KDM4C: variants seen among roughly 807,000 people sequenced by gnomAD.
KDM4C encodes the protein lysine demethylase 4C, also known as lysine-specific demethylase 4C.
KDM4C carries 81 observed loss-of-function variants against 129.3 expected under a neutral mutation model. The ratio of observed to expected loss-of-function variants is 0.63; its 90% CI spans 0.52 to 0.75. The LOEUF (loss-of-function observed/expected upper bound fraction) is 0.75, where lower values mean the gene tolerates loss of function less well. Among genes scored for constraint, KDM4C ranks in the 30% least tolerant of loss-of-function variants. The pLI is 0.00. For synonymous variants in KDM4C, 573 were observed against 456.1 expected, an observed-to-expected ratio of 1.26 and a Z score of -3.26; for missense variants, 1,457 against 1,304.0, an observed-to-expected ratio of 1.12 and a Z score of -1.81.
chr9:6,859,843 C>G (rs1340641771), intron 5 of KDM4C, among the ~76,000 whole-genome samples: 1 of 141,936 alleles, frequency 7.0e-6, no homozygotes, highest in East Asian at 2.0e-4. Context: ...CCAGCCTGGG[C>G]GACACAGCGA....
chr9:6,779,746 A>C (rs1227499581), intron 1 of KDM4C, among the ~76,000 whole-genome samples: 1 of 152,232 alleles, frequency 6.6e-6, no homozygotes, highest in Non-Finnish European at 1.5e-5. Context: ...TGGGTAATTG[A>C]ATCATGACTG....
At chr9:6,986,812 A>T in intron 11 of KDM4C, 146 bp downstream of exon 11, 2 of 599,932 alleles carry the variant, frequency 3.3e-6, no homozygotes, top group Non-Finnish European at 5.6e-6. Flanking sequence ...TCATTCAATA[A>T]CTGGGAGGTA....
intron 8 of KDM4C, among the ~76,000 whole-genome samples, chr9:6,971,387 C>A (rs997504770): frequency 1.3e-5 from 2 of 152,168 alleles, no homozygotes; most frequent in Admixed American, 6.6e-5. Flanking sequence ...AAATGTAGAT[C>A]ATTAAAACTG....
chr9:7,108,706 A>G (rs1361872399), intron 18 of KDM4C, among the ~76,000 whole-genome samples: 2 of 152,166 alleles, frequency 1.3e-5, no homozygotes, highest in African/African-American at 2.4e-5. Context: ...CTATGACTAT[A>G]TAACTAATCT....
At chr9:7,084,833 A>G (rs1380459673) in intron 17 of KDM4C, among the ~76,000 whole-genome samples, 1 of 152,222 alleles carries the variant, frequency 6.6e-6, no homozygotes, top group African/African-American at 2.4e-5. Context: ...AGTTCCTTAT[A>G]AAGATGAACA....
At chr9:7,004,096 G>A (rs548877744) in intron 12 of KDM4C, among the ~76,000 whole-genome samples, 1 of 152,316 alleles carries the variant, frequency 6.6e-6, no homozygotes, top group South Asian at 2.1e-4. Context: ...TGTGATGACT[G>A]GCAAAGGGAA....
intron 15 of KDM4C, among the ~76,000 whole-genome samples, chr9:7,040,785 C>CT (rs1012606584): frequency 3.1e-4 from 47 of 150,418 alleles, no homozygotes; most frequent in African/African-American, 9.5e-4. Flanking sequence ...CTAAATGTGG[C>CT]TTTTTTTTTC....
At chr9:7,002,646 C>G (rs1358285969) in intron 12 of KDM4C, among the ~76,000 whole-genome samples, 1 of 152,146 alleles carries the variant, frequency 6.6e-6, no homozygotes, top group African/African-American at 2.4e-5. Context: ...CTCATTCCTA[C>G]CATGATGTGA....
At chr9:6,738,932 T>G (rs185923204) in intron 1 of KDM4C, among the ~76,000 whole-genome samples, 144 of 152,172 alleles carry the variant, frequency 9.5e-4, no homozygotes, top group Non-Finnish European at 2.0e-3. Context: ...TTCCCCATGT[T>G]TGCCCTGGCT....
chr9:6,785,313 T>C (rs377148655), intron 1 of KDM4C, among the ~76,000 whole-genome samples: 1 of 151,714 alleles, frequency 6.6e-6, no homozygotes, highest in African/African-American at 2.4e-5. Context: ...TGGCACTCTT[T>C]CCTGTGTCTG....
chr9:6,857,012 C>T lies in KDM4C; in HGVS notation c.629+7312C>T, dbSNP rs149176648. Among the ~76,000 whole-genome samples, 722 of 152,254 alleles carry T rather than the reference C, an allele frequency of 4.7e-3. 6 individuals carry two copies. Among genetic ancestry groups the T allele is most frequent in the African/African-American group, 0.017 (700 of 41,540 alleles). ...GACCTCATGATCCATCCGCCTCGGC[C>T]TCCCATAATTTTTGTATTTTTGTAG... On this transcript the variant is annotated intron_variant, in intron 5 of 21. Coordinates refer to ENST00000381309, the MANE Select transcript of KDM4C (RefSeq NM_015061.6).
chr9:6,774,767 C>T (rs1272293629), intron 1 of KDM4C, among the ~76,000 whole-genome samples: 2 of 152,142 alleles, frequency 1.3e-5, no homozygotes, highest in African/African-American at 2.4e-5. Context: ...ATACTTGGGG[C>T]ATGCAAAAGA....
intron 8 of KDM4C, among the ~76,000 whole-genome samples, chr9:6,967,446 A>G (rs1172908712): frequency 2.0e-5 from 3 of 151,274 alleles, no homozygotes; most frequent in Admixed American, 6.6e-5. Context: ...AAAAAATTGT[A>G]CAGACTCTTG....
intron 1 of KDM4C, among the ~76,000 whole-genome samples, chr9:6,752,327 C>T (rs1818098315): frequency 1.7e-5 from 1 of 57,794 alleles, no homozygotes; most frequent in Non-Finnish European, 3.3e-5. Flanking sequence ...AGCGAAACTC[C>T]GTCTCAAAAA....
chr9:6,940,984 C>T (rs187284494), intron 8 of KDM4C, among the ~76,000 whole-genome samples: 8 of 151,580 alleles, frequency 5.3e-5, no homozygotes, highest in African/African-American at 1.9e-4. Context: ...TCAAAATATT[C>T]ACCCTGTTTA....
chr9:7,113,507 A>G (rs1838564801), intron 18 of KDM4C, among the ~76,000 whole-genome samples: 3 of 152,236 alleles, frequency 2.0e-5, no homozygotes, highest in South Asian at 2.1e-4. Flanking sequence ...ATCTTTTGCC[A>G]TTTCCATAGG....
intron 17 of KDM4C, among the ~76,000 whole-genome samples, chr9:7,070,262 G>T (rs1833010622): frequency 6.6e-6 from 1 of 152,192 alleles, no homozygotes; most frequent in Non-Finnish European, 1.5e-5. Context: ...TGCAGGCCCA[G>T]ATGCTGTCAT....
chr9:6,731,140 G>A (rs1183279466), intron 1 of KDM4C, among the ~76,000 whole-genome samples: 1 of 152,002 alleles, frequency 6.6e-6, no homozygotes, highest in Non-Finnish European at 1.5e-5. Context: ...AACTCACTGG[G>A]AAACAGAACA....
chr9:6,723,270 G>T (rs991740488), intron 1 of KDM4C, among the ~76,000 whole-genome samples: 9 of 152,048 alleles, frequency 5.9e-5, no homozygotes, highest in African/African-American at 1.9e-4. Context: ...AGCTACTCGG[G>T]AGGCTGAGGT....
Sources: gnomAD v4.1 joint callset for allele counts (sites outside exome capture counted in the v4.1 genomes callset) on GRCh38, gnomAD v4.1.1 for gene constraint, MANE v1.5 for transcripts, NCBI Gene and HGNC (gene_info 2026-07-23, HGNC 2026-07-21) for gene names.